ARHGAP35: variants seen among roughly 807,000 people sequenced by gnomAD.
The protein encoded by ARHGAP35 is rho GTPase-activating protein 35.
In ARHGAP35, 15 loss-of-function variants were observed where a neutral mutation model predicts 111.1. That is an observed-to-expected ratio of 0.13 (90% CI 0.09 to 0.21). ARHGAP35 has a LOEUF of 0.21. Ranked by LOEUF, ARHGAP35 falls within the 10% of genes least tolerant of loss-of-function variation. The probability of loss-of-function intolerance (pLI) is 1.00; values close to 1 mark genes in which losing one functional copy is unlikely to be tolerated. For synonymous variants in ARHGAP35, 643 were observed against 710.3 expected (o/e 0.91, Z 1.51); for missense variants, 1,262 against 1,873.0 (o/e 0.67, Z 6.02).
chr19:46,871,246 G>C (rs947796792), intron 1 of ARHGAP35, among the ~76,000 whole-genome samples: 4 of 152,232 alleles, frequency 2.6e-5, no homozygotes, highest in Non-Finnish European at 5.9e-5. Context: ...AAAAGAGATA[G>C]TGGTCACTGC....
intron 1 of ARHGAP35, among the ~76,000 whole-genome samples, chr19:46,887,706 G>T (rs988316972): frequency 1.3e-5 from 2 of 152,010 alleles, no homozygotes; most frequent in Admixed American, 6.6e-5. Context: ...ATGCTTCTGG[G>T]CCGTTTCATA....
Position 46,934,826 on chromosome 19 carries a change from C to T in ARHGAP35, c.3682-2438C>T, listed in dbSNP as rs576019248. ...CTGGGACTATAGGTGTGCGCTACCA[C>T]GCCCAGCTAATTGTTTTTGTATTTT... On this transcript the variant is annotated intron_variant, in intron 2 of 6. Coordinates refer to ENST00000672722, the MANE Select transcript of ARHGAP35 (RefSeq NM_004491.5). Among the ~76,000 whole-genome samples, 16 of 151,854 alleles carry T rather than the reference C, an allele frequency of 1.1e-4. 1 individual carries two copies. In the East Asian group the frequency reaches 1.2e-3, roughly 11 times the overall value.
rs376673484 is a variant in ARHGAP35 at position 46,989,528 on chromosome 19, C to T, written c.3905-16C>T. ...GCTTAGAATGGTTTGGCCTCACTCT[C>T]CTGACTTCCTTTCAGACCACAACCT... On this transcript the variant is annotated splice_polypyrimidine_tract_variant and intron_variant, in intron 4 of 6. Coordinates refer to ENST00000672722, the MANE Select transcript of ARHGAP35 (RefSeq NM_004491.5). The surrounding 1 kb of genome is among the most constrained non-coding windows in gnomAD (Gnocchi z 5.3). The T allele has an allele frequency of 5.6e-6, 9 of 1,613,576 alleles. No homozygotes were observed. The highest frequency in any genetic ancestry group is 4.5e-5 in the East Asian group (2 of 44,858).
chr19:46,992,556 C>A lies in ARHGAP35; in HGVS notation c.4036+2881C>A, dbSNP rs959770467. Among the ~76,000 whole-genome samples, 3 of 152,050 alleles carry A rather than the reference C, an allele frequency of 2.0e-5. No homozygotes were observed. Among genetic ancestry groups the A allele is most frequent in the African/African-American group, 7.3e-5 (3 of 41,376 alleles). On this transcript the variant is annotated intron_variant, in intron 5 of 6. Transcript: ENST00000672722. The surrounding 1 kb of genome is among the most constrained non-coding windows in gnomAD (Gnocchi z 4.4). ...CGTCTCTGTGACTCCCTCCTCCCTG[C>A]CTATCTGGAGTCGACCCCGTCCAGC...
At chr19:46,975,964 T>C (rs2056577464) in intron 3 of ARHGAP35, among the ~76,000 whole-genome samples, 1 of 152,258 alleles carries the variant, frequency 6.6e-6, no homozygotes, top group Non-Finnish European at 1.5e-5. Flanking sequence ...TACTCCCATC[T>C]ATCACTGTAA....
At chr19:46,931,537 T>A (rs1320868957) in intron 2 of ARHGAP35, among the ~76,000 whole-genome samples, 1 of 152,158 alleles carries the variant, frequency 6.6e-6, no homozygotes, top group East Asian at 1.9e-4. Context: ...CCAGGCACCA[T>A]TTCTCCCCAG....
chr19:46,921,646 C>T lies in ARHGAP35; in HGVS notation c.2971C>T (p.Pro991Ser), dbSNP rs757503333. The part of the protein sequence containing the change: ...NLQDSEEDIE[P>S]SYSLFREDTS... ...GCAGGATTCAGAAGAAGATATCGAG[C>T]CATCTTACAGCCTGTTTCGAGAAGA... The change falls in exon 2 of 7, where the codon CCA becomes TCA. Residue 991 changes from proline (P) to serine (S), a missense_variant. Around this residue, in one of 8 missense-constraint regions of ARHGAP35, gnomAD observed 579 missense variants for 716.9 expected, o/e 0.81. Transcript: ENST00000672722. This position sits in a 1 kb window ranked among gnomAD's most constrained non-coding sequence, Gnocchi z 4.3. 6.2e-7 allele frequency: 1 copy of T among 1,613,966 alleles called. No individual in the cohort carries two copies. The highest frequency in any genetic ancestry group is 8.5e-7 in the Non-Finnish European group (1 of 1,179,898).
In ARHGAP35 at chr19:46,993,054, A is replaced by G. The variant is rs372369341; in HGVS notation, c.4036+3379A>G. 3.2e-4 allele frequency among the ~76,000 whole-genome samples: 48 copies of G among 152,320 alleles called. 1 individual carries two copies. In the South Asian group the frequency reaches 8.3e-3, roughly 26 times the overall value. ...TCACAGCTAGCCAGGCCCCGTGTGG[A>G]CAGGGACAGATGGCAGTGGGCACAC... On this transcript the variant is annotated intron_variant, in intron 5 of 6. Transcript: ENST00000672722. The surrounding 1 kb of genome is among the most constrained non-coding windows in gnomAD (Gnocchi z 4.6).
At chr19:46,861,734 C>A (rs1237693429) in intron 1 of ARHGAP35, among the ~76,000 whole-genome samples, 1 of 152,120 alleles carries the variant, frequency 6.6e-6, no homozygotes, top group African/African-American at 2.4e-5. Flanking sequence ...GTCCTCGGCC[C>A]CTTCTTTGAC....
Position 46,926,235 on chromosome 19 carries a change from A to G in ARHGAP35, c.3681+3879A>G, listed in dbSNP as rs996217741. On this transcript the variant is annotated intron_variant, in intron 2 of 6. Transcript: ENST00000672722. This position sits in a 1 kb window ranked among gnomAD's most constrained non-coding sequence, Gnocchi z 4.1. The stretch of plus-strand genomic sequence containing the variant: ...AATCGCTTTCATTTCTCCTCATGAA[A>G]GTGCAGACTGTAAAGCTGACTCTCA... 1.2e-4 allele frequency among the ~76,000 whole-genome samples: 18 copies of G among 152,228 alleles called. No individual in the cohort carries two copies. Among genetic ancestry groups the G allele is most frequent in the Non-Finnish European group, 2.1e-4 (14 of 68,048 alleles).
intron 3 of ARHGAP35, among the ~76,000 whole-genome samples, chr19:46,973,237 C>A (rs891667947): frequency 1.3e-5 from 2 of 152,134 alleles, no homozygotes; most frequent in Non-Finnish European, 2.9e-5. Flanking sequence ...GTGGTGGGCA[C>A]CTGTAATTCC....
chr19:46,872,616 C>G (rs535161331), intron 1 of ARHGAP35, among the ~76,000 whole-genome samples: 61 of 152,200 alleles, frequency 4.0e-4, no homozygotes, highest in Admixed American at 3.9e-3. Flanking sequence ...TGAGGTGGCT[C>G]AAGCCTGTAA....
intron 3 of ARHGAP35, among the ~76,000 whole-genome samples, chr19:46,980,142 TG>T (rs1458129592): frequency 6.6e-6 from 1 of 152,026 alleles, no homozygotes; most frequent in African/African-American, 2.4e-5. Context: ...CCCAGCACTT[TG>T]GGAGGCAAAG....
In ARHGAP35 at chr19:46,921,014, T is replaced by G; in HGVS notation, c.2339T>G (p.Val780Gly). 6.2e-7 allele frequency: 1 copy of G among 1,614,054 alleles called. No individual in the cohort carries two copies. Among genetic ancestry groups the G allele is most frequent in the Non-Finnish European group, 8.5e-7 (1 of 1,179,904 alleles). The stretch of plus-strand genomic sequence containing the variant: ...GCTAGCATCAAAGATTTGGCTGATG[T>G]TGATCTGCGAATTGTTATGTGTCTG... Reference protein sequence around the residue: ...STASIKDLADVDLRIVMCLMC... With the variant: ...STASIKDLADGDLRIVMCLMC... The change falls in exon 2 of 7, where the codon GTT becomes GGT. Residue 780 changes from valine (V) to glycine (G), a missense_variant. By Grantham distance (109) the Val-to-Gly change is moderately radical (BLOSUM62 -3). Around this residue, in one of 8 missense-constraint regions of ARHGAP35, gnomAD observed 579 missense variants for 716.9 expected, o/e 0.81. Coordinates refer to ENST00000672722, the MANE Select transcript of ARHGAP35 (RefSeq NM_004491.5). The surrounding 1 kb of genome is among the most constrained non-coding windows in gnomAD (Gnocchi z 4.3).
chr19:46,922,342 A>C lies in ARHGAP35; in HGVS notation c.3667A>C (p.Arg1223=). ...PRRRNILRSL[R]RNTKKPKPKP... ...GAGGAGGAATATTCTTCGCAGCCTA[A>C]GGAGGAACACTAAGGTAAGACACCA... Residue 1223 remains arginine (R), a synonymous_variant, in exon 2 of 7, where the codon AGG becomes CGG. Transcript: ENST00000672722. The surrounding 1 kb of genome is among the most constrained non-coding windows in gnomAD (Gnocchi z 4.0). 1 of 1,600,892 alleles carries C rather than the reference A, an allele frequency of 6.2e-7. No individual in the cohort carries two copies. Among genetic ancestry groups the C allele is most frequent in the South Asian group, 1.1e-5 (1 of 88,500 alleles).
At chr19:46,912,636 A>G (rs746368540) in intron 1 of ARHGAP35, among the ~76,000 whole-genome samples, 10 of 152,142 alleles carry the variant, frequency 6.6e-5, no homozygotes, top group South Asian at 2.1e-4. Context: ...GATTACAGGC[A>G]TGAGCCACTG....
intron 1 of ARHGAP35, among the ~76,000 whole-genome samples, chr19:46,882,447 T>C (rs311361): frequency 0.52 from 79,677 of 152,064 alleles, 21,477 homozygotes; most frequent in Middle Eastern, 0.71. Flanking sequence ...CAAAACTTTC[T>C]CTATATCAGC....
chr19:46,888,860 T>C (rs1431678047), intron 1 of ARHGAP35, among the ~76,000 whole-genome samples: 1 of 137,104 alleles, frequency 7.3e-6, no homozygotes, highest in African/African-American at 2.7e-5. Flanking sequence ...AAAAAAAAAA[T>C]TAGGCAGGGG....
rs751914403 is a variant in ARHGAP35 at position 46,901,742 on chromosome 19, T to C, written c.-188-16746T>C. ...GCCCATTCCAAGGGTAGGCATTGAT[T>C]GTTATCATTCTGATTATACTTGCAT... is the stretch of plus-strand genomic sequence containing the variant. On this transcript the variant is annotated intron_variant, in intron 1 of 6. Transcript: ENST00000672722. This position sits in a 1 kb window ranked among gnomAD's most constrained non-coding sequence, Gnocchi z 4.5. Among the ~76,000 whole-genome samples, 2 of 152,206 alleles carry C rather than the reference T, an allele frequency of 1.3e-5. No homozygotes were observed. The highest frequency in any genetic ancestry group is 1.3e-4 in the Admixed American group (2 of 15,282).
Sources: allele counts gnomAD v4.1 joint callset (sites outside exome capture counted in the v4.1 genomes callset), GRCh38; gene constraint gnomAD v4.1.1; regional missense constraint gnomAD v4.1.1; non-coding constraint Gnocchi (gnomAD v3.1); transcripts MANE v1.5; gene names NCBI Gene and HGNC (gene_info 2026-07-23, HGNC 2026-07-21).